Variants in RBL1 observed in about 807,000 individuals in gnomAD.
RBL1 encodes retinoblastoma-like protein 1.
In RBL1, 82 loss-of-function variants were observed where a neutral mutation model predicts 123.0. The ratio of observed to expected loss-of-function variants is 0.67; its 90% confidence interval spans 0.56 to 0.80. The LOEUF is 0.80. RBL1 is among the 30% of genes least tolerant of loss of function. The probability of loss-of-function intolerance (pLI) is 0.00; values close to 1 mark genes in which losing one functional copy is unlikely to be tolerated. For synonymous variants in RBL1, 405 were observed against 441.3 expected, an observed-to-expected ratio of 0.92 and a Z score of 1.03; for missense variants, 1,171 against 1,299.6, an observed-to-expected ratio of 0.90 and a Z score of 1.52.
intron 1 of RBL1, 104 bp downstream of exon 1, chr20:37,095,669 C>A: frequency 1.8e-6 from 2 of 1,113,194 alleles, no homozygotes; most frequent in Non-Finnish European, 2.4e-6. Flanking sequence ...CAGCGACCCT[C>A]CTAGGTGGGG....
At chr20:37,083,969 C>T (rs2065500508) in intron 2 of RBL1, among the ~76,000 whole-genome samples, 1 of 144,008 alleles carries the variant, frequency 6.9e-6, no homozygotes, top group African/African-American at 2.6e-5. Flanking sequence ...AGTAGAGTTG[C>T]ATCATCATAA....
At position 37,059,712 on chromosome 20, in the gene RBL1, C is replaced by T. The variant is rs1417170860; in HGVS notation, c.1250+1391G>A. ...CTACTTTGGAAATTTGTCATGAAATCATATCTCTCTCCTCATTTGGTTGCC... is the reference window on the plus strand; with the variant it reads ...CTACTTTGGAAATTTGTCATGAAATTATATCTCTCTCCTCATTTGGTTGCC... On this transcript the variant is annotated intron_variant, in intron 9 of 21. Transcript: ENST00000373664. Among the ~76,000 whole-genome samples, 4 of 152,214 alleles carry T rather than the reference C, an allele frequency of 2.6e-5. No homozygotes were observed. In the East Asian group the frequency reaches 7.7e-4, roughly 29 times the overall value.
chr20:37,011,440 T>TC (rs2064146229), intron 19 of RBL1, among the ~76,000 whole-genome samples: 1 of 150,990 alleles, frequency 6.6e-6, no homozygotes, highest in East Asian at 1.9e-4. Flanking sequence ...AGAATTTTTT[T>TC]TTTTTTTTTT....
At chr20:37,060,606 A>G (rs1038706271) in intron 9 of RBL1, among the ~76,000 whole-genome samples, 1 of 152,060 alleles carries the variant, frequency 6.6e-6, no homozygotes, top group East Asian at 1.9e-4. Flanking sequence ...GCAACATGGC[A>G]AAACCCTGTC....
At chr20:37,060,423 T>C (rs940694732) in intron 9 of RBL1, among the ~76,000 whole-genome samples, 2 of 152,088 alleles carry the variant, frequency 1.3e-5, no homozygotes, top group African/African-American at 4.8e-5. Context: ...TGCTAAATAA[T>C]CTTTAAGGTA....
rs780596794 is a variant in RBL1 at position 37,003,732 on chromosome 20, C to T, written c.3006G>A (p.Leu1002=). 6.2e-7 allele frequency: 1 copy of T among 1,613,410 alleles called. No individual in the cohort carries two copies. The highest frequency in any genetic ancestry group is 1.1e-5 in the South Asian group (1 of 90,950). Reference sequence around the variant, plus strand: ...AAGGGCTGCCATTGAACTTGTACAGCAGAGCGCTTCTTGGTGTAAGGCCTG... The same window carrying T: ...AAGGGCTGCCATTGAACTTGTACAGTAGAGCGCTTCTTGGTGTAAGGCCTG... The part of the protein sequence containing the change: ...NGSGLTPRSA[L]LYKFNGSPSK... The change falls in exon 21 of 22, where the codon CTG becomes CTA. Residue 1002 remains leucine, a synonymous_variant. Coordinates refer to ENST00000373664, the MANE Select transcript of RBL1 (RefSeq NM_002895.5).
chr20:37,002,333 T>G (rs1020000368), intron 21 of RBL1, among the ~76,000 whole-genome samples: 4 of 134,064 alleles, frequency 3.0e-5, no homozygotes, highest in Admixed American at 1.5e-4. Flanking sequence ...CCTAGCCTTA[T>G]CTGTTTTTTT....
chr20:37,088,625 T>A (rs1600614047), intron 2 of RBL1, among the ~76,000 whole-genome samples: 1 of 151,554 alleles, frequency 6.6e-6, no homozygotes. Flanking sequence ...GAGGTTGAGG[T>A]GGGTAGATCA....
rs765475848 is a variant in RBL1, at chr20:37,003,790, T to G, written c.2948A>C (p.His983Pro). 1.4e-5 allele frequency: 22 copies of G among 1,613,932 alleles called. No individual in the cohort carries two copies. In the Admixed American group the frequency reaches 3.7e-4, roughly 27 times the overall value. Residue 983 changes from histidine (H) to proline (P), a missense_variant, in exon 21 of 22, where the codon CAC (histidine) becomes CCC (proline). His to Pro is a moderately conservative substitution (Grantham distance 77, BLOSUM62 -2). Transcript: ENST00000373664. Reference sequence around the variant, plus strand: ...CTTGTGCGGGGAAATATAAATGGAGTGCTGCTGGGAAATGCGGCGTGGTGA... The same window carrying G: ...CTTGTGCGGGGAAATATAAATGGAGGGCTGCTGGGAAATGCGGCGTGGTGA... ...PGSPRRISQQ[H>P]SIYISPHKNG...
At chr20:37,068,282 TA>T in intron 2 of RBL1, 96 bp from the exon 3 acceptor site, 1 of 1,441,912 alleles carries the variant, frequency 6.9e-7, no homozygotes, top group Middle Eastern at 2.5e-4. Flanking sequence ...GACTCTTTAT[TA>T]AAAAGCCAGA....
chr20:37,067,356 G>A (rs1425426586), intron 3 of RBL1, 59 bp from the exon 4 acceptor site: 3 of 1,244,800 alleles, frequency 2.4e-6, no homozygotes, highest in Non-Finnish European at 3.4e-6. Flanking sequence ...CATGTAAACT[G>A]AAATAGTAAA....
chr20:37,090,272 A>G (rs958801558), intron 1 of RBL1, among the ~76,000 whole-genome samples: 7 of 152,210 alleles, frequency 4.6e-5, no homozygotes, highest in African/African-American at 1.4e-4. Flanking sequence ...CTAGGTTTGC[A>G]TAAGTATACT....
At chr20:37,032,222 A>G (rs528835947) in intron 16 of RBL1, among the ~76,000 whole-genome samples, 27 of 152,336 alleles carry the variant, frequency 1.8e-4, no homozygotes, top group African/African-American at 5.5e-4. Flanking sequence ...TCTTCTTCAT[A>G]CAATGGAATA....
intron 13 of RBL1, 49 bp downstream of exon 13, chr20:37,044,037 T>A: frequency 7.5e-7 from 1 of 1,339,236 alleles, no homozygotes; most frequent in Non-Finnish European, 9.9e-7. Flanking sequence ...AAGCTGGTTT[T>A]TTTTTTTTTT....
chr20:37,016,471 A>T (rs184304648), intron 19 of RBL1, among the ~76,000 whole-genome samples: 5 of 152,226 alleles, frequency 3.3e-5, no homozygotes, highest in Admixed American at 3.3e-4. Context: ...GGTGAATGAA[A>T]TCTTAAAAGT....
chr20:37,035,132 A>T, intron 15 of RBL1, 110 bp downstream of exon 15: 1 of 1,087,608 alleles, frequency 9.2e-7, no homozygotes, highest in Non-Finnish European at 1.3e-6. Flanking sequence ...AAAAAAGTAT[A>T]GGTTCAAGAA....
Position 36,998,640 on chromosome 20 carries a change from A to T in RBL1, c.*119T>A, listed in dbSNP as rs1173644600. 12 of 902,346 alleles carry T rather than the reference A, an allele frequency of 1.3e-5. No homozygotes were observed. Among genetic ancestry groups the T allele is most frequent in the Non-Finnish European group, 1.6e-5 (10 of 630,456 alleles). 55.9% of individuals were successfully genotyped at this position (902,346 alleles called of 1,614,324 possible). A position where few individuals can be genotyped will look rare whatever the true frequency, so the allele number is the denominator to read the frequency against. ...TTAAAAAGCACATAATTTTTGTGCA[A>T]TTTTTTCTTATAACCCAGTGATATT... On this transcript the variant is annotated 3_prime_UTR_variant, in exon 22 of 22. Transcript: ENST00000373664.
At chr20:37,000,378 GC>G (rs953299688) in intron 21 of RBL1, among the ~76,000 whole-genome samples, 1 of 115,044 alleles carries the variant, frequency 8.7e-6, no homozygotes, top group African/African-American at 2.7e-5. Flanking sequence ...GGGGGGGTTA[GC>G]CCCCCGCCCG....
At position 37,073,950 on chromosome 20, in the gene RBL1, C is replaced by CA. The variant is rs1210350198; in HGVS notation, c.291-5765dup. Among the ~76,000 whole-genome samples the CA allele has an allele frequency of 7.1e-4, 103 of 144,106 alleles. 1 individual carries two copies. Among genetic ancestry groups the CA allele is most frequent in the South Asian group, 5.9e-3 (27 of 4,538 alleles). 94.5% of individuals were successfully genotyped at this position (144,106 alleles called of 152,430 possible). Reference sequence around the variant, plus strand: ...TGAAACCCCGTCTCTACTAAAAATACAAAAAAAAAAATTAGCCAGGTGTGG... The same window carrying CA: ...TGAAACCCCGTCTCTACTAAAAATACAAAAAAAAAAAATTAGCCAGGTGTGG... On this transcript the variant is annotated intron_variant, in intron 2 of 21. Transcript: ENST00000373664.
Sources: allele counts gnomAD v4.1 joint callset (sites outside exome capture counted in the v4.1 genomes callset), GRCh38; gene constraint gnomAD v4.1.1; transcripts MANE v1.5; gene names NCBI Gene and HGNC (gene_info 2026-07-23, HGNC 2026-07-21).